Variants in ATP6V1A observed in about 807,000 individuals in gnomAD.
The protein encoded by ATP6V1A is V-type proton ATPase catalytic subunit A.
ATP6V1A carries 18 observed loss-of-function variants against 70.1 expected under a neutral mutation model. That is an observed-to-expected ratio of 0.26 (90% CI 0.18 to 0.38). The LOEUF is 0.38. Among genes scored for constraint, ATP6V1A ranks in the 10% least tolerant of loss-of-function variants. ATP6V1A has a pLI of 1.00. For synonymous variants in ATP6V1A, 232 were observed against 253.8 expected, an observed-to-expected ratio of 0.91 and a Z score of 0.82; for missense variants, 424 against 772.4, an observed-to-expected ratio of 0.55 and a Z score of 5.35.
At position 113,794,904 on chromosome 3, in the gene ATP6V1A, G is replaced by A. The variant is rs754492727; in HGVS notation, c.1021G>A (p.Gly341Ser). 1.2e-6 allele frequency: 2 copies of A among 1,613,420 alleles called. No homozygotes were observed. The highest frequency in any genetic ancestry group is 8.5e-7 in the Non-Finnish European group (1 of 1,179,608). Residue 341 changes from glycine to serine, a missense_variant, in exon 9 of 15, where the codon GGC becomes AGC. Gly to Ser is a moderately conservative substitution (Grantham distance 56, BLOSUM62 0). This residue lies in a region of ATP6V1A where 58 missense variants were observed against 181.5 expected (regional missense o/e 0.32). Transcript: ENST00000273398. ...ITLSEYFRDM[G>S]YHVSMMADST... ...ACTGTCAGAGTACTTCCGTGACATG[G>A]GCTATCATGTCAGTATGATGGCTGA...
intron 4 of ATP6V1A, 121 bp from the exon 5 acceptor site, chr3:113,784,575 C>G: frequency 7.1e-7 from 1 of 1,417,572 alleles, no homozygotes; most frequent in Non-Finnish European, 9.6e-7. Context: ...AACTCTACTT[C>G]ATGGGATTTT....
chr3:113,747,586 A>C (rs1325257544), intron 1 of ATP6V1A, among the ~76,000 whole-genome samples: 1 of 152,188 alleles, frequency 6.6e-6, no homozygotes, highest in Admixed American at 6.5e-5. Flanking sequence ...TACGGCCCTC[A>C]CTGCAGAGTC....
intron 1 of ATP6V1A, among the ~76,000 whole-genome samples, chr3:113,755,512 G>A (rs12636575): frequency 0.28 from 42,503 of 151,646 alleles, 6,746 homozygotes; most frequent in East Asian, 0.36. Context: ...GAGGTGGGAG[G>A]ATTGCTTGAG....
intron 1 of ATP6V1A, among the ~76,000 whole-genome samples, chr3:113,775,493 G>A (rs1577086521): frequency 6.6e-6 from 1 of 152,260 alleles, no homozygotes; most frequent in South Asian, 2.1e-4. Flanking sequence ...GCCCCCCCAA[G>A]TGCTGGAATT....
intron 1 of ATP6V1A, among the ~76,000 whole-genome samples, chr3:113,776,021 C>T (rs529985629): frequency 1.1e-4 from 17 of 152,272 alleles, no homozygotes; most frequent in Non-Finnish European, 2.4e-4. Context: ...CCCATGCCTG[C>T]TCTTAATGGC....
intron 1 of ATP6V1A, among the ~76,000 whole-genome samples, chr3:113,769,742 A>G (rs1183316182): frequency 6.6e-6 from 1 of 152,184 alleles, no homozygotes; most frequent in African/African-American, 2.4e-5. Context: ...CTGATGACTC[A>G]TTAACTCAGA....
intron 1 of ATP6V1A, 40 bp from the exon 2 acceptor site, chr3:113,778,701 G>A: frequency 7.7e-7 from 1 of 1,301,608 alleles, no homozygotes; most frequent in Non-Finnish European, 1.0e-6. Flanking sequence ...TTGCTTTACG[G>A]TTTATAATTA....
At chr3:113,750,790 G>T (rs1034380877) in intron 1 of ATP6V1A, among the ~76,000 whole-genome samples, 2 of 152,058 alleles carry the variant, frequency 1.3e-5, no homozygotes, top group Non-Finnish European at 2.9e-5. Context: ...AATTTCTAAA[G>T]ACTTAAGACA....
At chr3:113,752,671 G>A (rs1708600638) in intron 1 of ATP6V1A, among the ~76,000 whole-genome samples, 1 of 151,976 alleles carries the variant, frequency 6.6e-6, no homozygotes, top group South Asian at 2.1e-4. Flanking sequence ...AAGTGCAGCA[G>A]AATTTTAAAA....
intron 8 of ATP6V1A, among the ~76,000 whole-genome samples, chr3:113,792,159 A>G (rs1709101772): frequency 6.6e-6 from 1 of 152,316 alleles, no homozygotes; most frequent in Middle Eastern, 3.4e-3. Context: ...AAGCTACCTT[A>G]TTCTTTTAAA....
At chr3:113,800,833 A>G (rs1297118670) in intron 12 of ATP6V1A, among the ~76,000 whole-genome samples, 1 of 152,154 alleles carries the variant, frequency 6.6e-6, no homozygotes, top group East Asian at 1.9e-4. Flanking sequence ...GACCAGTGAC[A>G]TTGGGAGAGG....
At position 113,811,579 on chromosome 3, in the gene ATP6V1A, T is replaced by C. The variant is rs1423384866; in HGVS notation, c.*2152T>C. On this transcript the variant is annotated 3_prime_UTR_variant, in exon 15 of 15. Coordinates refer to ENST00000273398, the MANE Select transcript of ATP6V1A (RefSeq NM_001690.4). ...ATTGTGATAGCAATGAATGGTATGA[T>C]GAAGAAAGTTTGACCAAATTTGTTT... The C allele has an allele frequency of 6.6e-6, 1 of 152,634 alleles. No individual in the cohort carries two copies. 9.5% of individuals were successfully genotyped at this position (152,634 alleles called of 1,614,324 possible).
At chr3:113,799,879 G>C (rs1297766821) in intron 12 of ATP6V1A, among the ~76,000 whole-genome samples, 1 of 152,060 alleles carries the variant, frequency 6.6e-6, no homozygotes, top group Non-Finnish European at 1.5e-5. Context: ...AAATGAAACA[G>C]AAGATGATAT....
At position 113,811,403 on chromosome 3, in the gene ATP6V1A, T is replaced by G. The variant is rs1353033526; in HGVS notation, c.*1976T>G. ...TAACCTTTGAGAACATTGACAGAAA[T>G]TATGCAATGGTTTGTTGAGATACGG... On this transcript the variant is annotated 3_prime_UTR_variant, in exon 15 of 15. Coordinates refer to ENST00000273398, the MANE Select transcript of ATP6V1A (RefSeq NM_001690.4). 1 of 152,592 alleles carries G rather than the reference T, an allele frequency of 6.6e-6. No homozygotes were observed. The highest frequency in any genetic ancestry group is 2.4e-5 in the African/African-American group (1 of 41,436). The allele number at this position is 152,592 out of a possible 1,614,324, so 9.5% of individuals were successfully genotyped here. A position where few individuals can be genotyped will look rare whatever the true frequency, so the allele number is the denominator to read the frequency against.
chr3:113,782,524 T>TTC (rs35128741), intron 3 of ATP6V1A, among the ~76,000 whole-genome samples: 29,896 of 139,944 alleles, frequency 0.21, 4,043 homozygotes, highest in Non-Finnish European at 0.32. Flanking sequence ...TTTCTTTCCT[T>TTC]TCTCTCTCTC....
At chr3:113,800,880 C>T (rs1450503084) in intron 12 of ATP6V1A, among the ~76,000 whole-genome samples, 1 of 152,116 alleles carries the variant, frequency 6.6e-6, no homozygotes, top group Non-Finnish European at 1.5e-5. Flanking sequence ...ACTGGCTGGG[C>T]ATTGTGACTC....
chr3:113,754,594 T>C (rs1708626474), intron 1 of ATP6V1A, among the ~76,000 whole-genome samples: 1 of 151,352 alleles, frequency 6.6e-6, no homozygotes, highest in African/African-American at 2.4e-5. Context: ...GACTACTAGA[T>C]AGGATTACAA....
At chr3:113,793,741 T>C (rs867444055) in intron 8 of ATP6V1A, among the ~76,000 whole-genome samples, 1 of 152,188 alleles carries the variant, frequency 6.6e-6, no homozygotes, top group African/African-American at 2.4e-5. Flanking sequence ...GTATTTTTTA[T>C]TCTGAAAGAT....
At chr3:113,798,516 C>T (rs542381568) in intron 12 of ATP6V1A, 70 bp downstream of exon 12, 33 of 1,387,794 alleles carry the variant, frequency 2.4e-5, no homozygotes, top group Non-Finnish European at 3.2e-5. Flanking sequence ...CAGATAGAGC[C>T]TTGGATATTA....
Sources: gnomAD v4.1 joint callset for allele counts (sites outside exome capture counted in the v4.1 genomes callset) on GRCh38, gnomAD v4.1.1 for gene constraint, gnomAD v4.1.1 regional missense constraint, MANE v1.5 for transcripts, NCBI Gene and HGNC (gene_info 2026-07-23, HGNC 2026-07-21) for gene names.